KIF26B: variants seen among roughly 807,000 people sequenced by gnomAD.
KIF26B encodes kinesin-like protein KIF26B.
A neutral mutation model predicts 151.2 loss-of-function variants in KIF26B; 63 were observed. The ratio of observed to expected loss-of-function variants is 0.42; its 90% CI spans 0.34 to 0.51. KIF26B has a LOEUF of 0.51. Ranked by LOEUF, KIF26B falls within the 20% of genes least tolerant of loss-of-function variation. The pLI is 0.07. For missense variants in KIF26B, 2,813 were observed against 2,913.6 expected, an observed-to-expected ratio of 0.97 and a Z score of 0.79; for synonymous variants, 1,357 against 1,262.1, an observed-to-expected ratio of 1.08 and a Z score of -1.59.
chr1:245,695,382 C>T (rs141950414), intron 12 of KIF26B, among the ~76,000 whole-genome samples: 230 of 152,238 alleles, frequency 1.5e-3, no homozygotes, highest in African/African-American at 5.3e-3. Flanking sequence ...CTTCCCTCAC[C>T]ATCACCTAAG....
At chr1:245,688,912 G>A in intron 12 of KIF26B, 105 bp downstream of exon 12, 3 of 1,376,186 alleles carry the variant, frequency 2.2e-6, no homozygotes, top group South Asian at 3.1e-5. Context: ...GGGCGTCCAG[G>A]CCTGGCCTCT....
intron 3 of KIF26B, among the ~76,000 whole-genome samples, chr1:245,399,655 G>T (rs1673945388): frequency 6.6e-6 from 1 of 152,166 alleles, no homozygotes; most frequent in African/African-American, 2.4e-5. Context: ...TGCATCTTAT[G>T]AGAAGCAACA....
chr1:245,205,832 TCCCCCA>T (rs895805973), intron 2 of KIF26B, among the ~76,000 whole-genome samples: 3 of 143,916 alleles, frequency 2.1e-5, no homozygotes, highest in African/African-American at 7.7e-5. Context: ...CTCAGCACTC[TCCCCCA>T]CCCCCACCCA....
intron 3 of KIF26B, among the ~76,000 whole-genome samples, chr1:245,417,712 G>A (rs1674454175): frequency 1.3e-5 from 2 of 152,332 alleles, no homozygotes; most frequent in African/African-American, 2.4e-5. Flanking sequence ...CCCACAGGTC[G>A]CTGACATCCC....
chr1:245,216,286 T>C, intron 2 of KIF26B: 1 of 152,152 alleles, frequency 6.6e-6, no homozygotes, highest in East Asian at 1.9e-4. Context: ...AATAAGCTCC[T>C]TGCAACATCT....
rs559663388 is a variant in KIF26B, at chr1:245,167,239, T to C, written c.465+10556T>C. Among the ~76,000 whole-genome samples, 9 of 152,342 alleles carry C rather than the reference T, an allele frequency of 5.9e-5. No individual in the cohort carries two copies. The South Asian group carries it at 1.9e-3, about 32-fold the overall frequency. On this transcript the variant is annotated intron_variant, in intron 2 of 14. Transcript: ENST00000407071. This position sits in a 1 kb window ranked among gnomAD's most constrained non-coding sequence, Gnocchi z 4.2. ...TGCAAATAATAAATTAAAATCCGCT[T>C]TTCTATCACAGGGGTGACAAATAGA...
At chr1:245,650,905 C>T (rs992871413) in intron 10 of KIF26B, among the ~76,000 whole-genome samples, 8 of 152,214 alleles carry the variant, frequency 5.3e-5, no homozygotes, top group African/African-American at 1.9e-4. Context: ...CGGCACCTCC[C>T]TCTCACGGGT....
intron 2 of KIF26B, among the ~76,000 whole-genome samples, chr1:245,226,517 C>T (rs1032143410): frequency 6.6e-6 from 1 of 151,784 alleles, no homozygotes; most frequent in Non-Finnish European, 1.5e-5. Context: ...GGCTAGAGTG[C>T]AATGGCGCGA....
chr1:245,337,156 T>G (rs113485275), intron 2 of KIF26B, among the ~76,000 whole-genome samples: 1 of 98,074 alleles, frequency 1.0e-5, no homozygotes, highest in Non-Finnish European at 1.8e-5. Context: ...ATTTATTTAT[T>G]TATTTATTTA....
intron 2 of KIF26B, among the ~76,000 whole-genome samples, chr1:245,194,796 A>G: frequency 6.6e-6 from 1 of 152,214 alleles, no homozygotes; most frequent in East Asian, 1.9e-4. Flanking sequence ...GCTGGTAATC[A>G]GGTATTGGCG....
intron 2 of KIF26B, among the ~76,000 whole-genome samples, chr1:245,181,897 A>G (rs890639732): frequency 6.6e-6 from 1 of 152,082 alleles, no homozygotes; most frequent in Admixed American, 6.5e-5. Context: ...TGAGGACCAG[A>G]TAGTTTGGGT....
Position 245,686,872 on chromosome 1 carries a change from A to G in KIF26B, c.3889A>G (p.Ser1297Gly). 6 of 1,613,590 alleles carry G rather than the reference A, an allele frequency of 3.7e-6. No individual in the cohort carries two copies. Among genetic ancestry groups the G allele is most frequent in the Non-Finnish European group, 5.1e-6 (6 of 1,179,848 alleles). ...AGSEGEQSCH[S>G]FIAQTCFGHG... ...CAGTGAGGGTGAGCAGTCGTGCCAC[A>G]GTTTCATAGCCCAGACGTGTTTTGG... Residue 1297 changes from serine (S) to glycine (G), a missense_variant, in exon 12 of 15, where the codon AGT becomes GGT. Around this residue, in one of 3 missense-constraint regions of KIF26B, gnomAD observed 2,060 missense variants for 2,088.6 expected, o/e 0.99. Coordinates refer to ENST00000407071, the MANE Select transcript of KIF26B (RefSeq NM_018012.4). This position sits in a 1 kb window ranked among gnomAD's most constrained non-coding sequence, Gnocchi z 5.6.
chr1:245,382,558 GTTTCT>G (rs869229724), intron 3 of KIF26B, among the ~76,000 whole-genome samples: 1 of 135,764 alleles, frequency 7.4e-6, no homozygotes, highest in African/African-American at 2.8e-5. Context: ...TGTGTGTTTT[GTTTCT>G]TGTTTTGTTT....
At chr1:245,582,581 G>A (rs2043186311) in intron 5 of KIF26B, among the ~76,000 whole-genome samples, 1 of 152,188 alleles carries the variant, frequency 6.6e-6, no homozygotes, top group Non-Finnish European at 1.5e-5. Context: ...ACAGTGTGGG[G>A]TCTGTTTTGT....
intron 2 of KIF26B, among the ~76,000 whole-genome samples, chr1:245,297,943 G>A (rs1386850204): frequency 6.6e-6 from 1 of 152,170 alleles, no homozygotes; most frequent in African/African-American, 2.4e-5. Context: ...CTGGAGTGCA[G>A]TGGTGTGATG....
At chr1:245,589,435 G>A (rs2043262814) in intron 5 of KIF26B, among the ~76,000 whole-genome samples, 1 of 152,274 alleles carries the variant, frequency 6.6e-6, no homozygotes, top group Middle Eastern at 3.4e-3. Context: ...TGAGAAGGGG[G>A]CTGATGCTGT....
At chr1:245,515,198 G>A (rs1037911988) in intron 4 of KIF26B, among the ~76,000 whole-genome samples, 5 of 152,092 alleles carry the variant, frequency 3.3e-5, no homozygotes, top group East Asian at 1.9e-4. Flanking sequence ...GACTCGTGCC[G>A]GTCCCTCAGC....
chr1:245,271,827 T>C (rs1178390846), intron 2 of KIF26B, among the ~76,000 whole-genome samples: 1 of 152,202 alleles, frequency 6.6e-6, no homozygotes, highest in Non-Finnish European at 1.5e-5. Flanking sequence ...TCTTTTCTTG[T>C]AGTGTCTTTG....
intron 4 of KIF26B, among the ~76,000 whole-genome samples, chr1:245,522,643 G>T (rs527613820): frequency 7.9e-5 from 12 of 152,280 alleles, no homozygotes; most frequent in African/African-American, 2.6e-4. Context: ...GAAGACCCCA[G>T]TTTATCAGCT....
Sources: gnomAD v4.1 joint callset for allele counts (sites outside exome capture counted in the v4.1 genomes callset) on GRCh38, gnomAD v4.1.1 for gene constraint, gnomAD v4.1.1 regional missense constraint, Gnocchi (gnomAD v3.1) non-coding constraint, MANE v1.5 for transcripts, NCBI Gene and HGNC (gene_info 2026-07-23, HGNC 2026-07-21) for gene names.